Variants in PKNOX2 observed in about 807,000 individuals in gnomAD.
The protein encoded by PKNOX2 is homeobox protein PKNOX2.
Under a neutral mutation model 53.1 loss-of-function variants are expected in PKNOX2, and 14 were observed. The ratio of observed to expected loss-of-function variants is 0.26; its 90% CI spans 0.17 to 0.41. The LOEUF is 0.41. Among genes scored for constraint, PKNOX2 ranks in the 10% least tolerant of loss-of-function variants. The pLI, the probability that PKNOX2 is intolerant of heterozygous loss-of-function variation, is 1.00. For synonymous variants in PKNOX2, 257 were observed against 242.8 expected (o/e 1.06, Z -0.54); for missense variants, 496 against 602.8 (o/e 0.82, Z 1.85).
chr11:125,342,395 A>G (rs1397935962), intron 3 of PKNOX2, among the ~76,000 whole-genome samples: 1 of 151,010 alleles, frequency 6.6e-6, no homozygotes, highest in Non-Finnish European at 1.5e-5. Flanking sequence ...CCCTACTCAC[A>G]CCTTACATGG....
At chr11:125,295,400 A>G (rs1483965042) in intron 2 of PKNOX2, among the ~76,000 whole-genome samples, 1 of 152,194 alleles carries the variant, frequency 6.6e-6, no homozygotes, top group Non-Finnish European at 1.5e-5. Context: ...TGTGGATCAA[A>G]TCCATGTATG....
chr11:125,411,817 C>T lies in PKNOX2; in HGVS notation c.888C>T (p.Pro296=). ...KKSKNKRGVL[P]KHATNIMRSW... Reference sequence around the variant, plus strand: ...CCAAGAACAAACGAGGAGTCTTGCCCAAGCATGCCACCAATATAATGCGTT... The same window carrying T: ...CCAAGAACAAACGAGGAGTCTTGCCTAAGCATGCCACCAATATAATGCGTT... The change falls in exon 10 of 13, where the codon CCC becomes CCT. Residue 296 remains proline (P), a synonymous_variant. Coordinates refer to ENST00000298282, the MANE Select transcript of PKNOX2 (RefSeq NM_001382323.2). The T allele has an allele frequency of 6.2e-7, 1 of 1,614,122 alleles. No individual in the cohort carries two copies. Among genetic ancestry groups the T allele is most frequent in the Non-Finnish European group, 8.5e-7 (1 of 1,180,024 alleles).
intron 2 of PKNOX2, among the ~76,000 whole-genome samples, chr11:125,265,728 A>G (rs533182252): frequency 4.4e-4 from 67 of 152,270 alleles, no homozygotes; most frequent in African/African-American, 1.6e-3. Flanking sequence ...GTTGCGGGTC[A>G]TCTGTGGCTT....
intron 1 of PKNOX2, among the ~76,000 whole-genome samples, chr11:125,214,502 T>C (rs1015465583): frequency 1.3e-5 from 2 of 151,940 alleles, no homozygotes; most frequent in Non-Finnish European, 2.9e-5. Flanking sequence ...TAGCTGATCC[T>C]GAAAAGGGAA....
chr11:125,393,009 A>G (rs1036646862), intron 6 of PKNOX2, among the ~76,000 whole-genome samples: 2 of 151,864 alleles, frequency 1.3e-5, no homozygotes, highest in Non-Finnish European at 2.9e-5. Flanking sequence ...ATACATAAAA[A>G]AAAAAATTAG....
intron 1 of PKNOX2, among the ~76,000 whole-genome samples, 180 bp from the exon 2 acceptor site, chr11:125,234,865 T>C (rs1303639256): frequency 6.6e-6 from 1 of 151,450 alleles, no homozygotes; most frequent in African/African-American, 2.5e-5. Context: ...TAAACAATAA[T>C]GGTTTTGCTA....
intron 1 of PKNOX2, among the ~76,000 whole-genome samples, chr11:125,215,662 G>A (rs1212939627): frequency 6.6e-6 from 1 of 152,138 alleles, no homozygotes; most frequent in African/African-American, 2.4e-5. Context: ...TGAGGCAGGA[G>A]AATCACTTGA....
intron 2 of PKNOX2, among the ~76,000 whole-genome samples, chr11:125,241,795 C>T (rs1189894182): frequency 6.6e-6 from 1 of 152,136 alleles, no homozygotes; most frequent in Non-Finnish European, 1.5e-5. Flanking sequence ...GTGGAGGTTG[C>T]AGTGAGCTGA....
intron 10 of PKNOX2, among the ~76,000 whole-genome samples, chr11:125,424,677 T>TG (rs1376551456): frequency 6.6e-6 from 1 of 152,232 alleles, no homozygotes; most frequent in East Asian, 1.9e-4. Context: ...CTATTGACAC[T>TG]GACAGGCTGC....
chr11:125,179,593 G>A (rs909655323), intron 1 of PKNOX2, among the ~76,000 whole-genome samples: 6 of 152,100 alleles, frequency 3.9e-5, no homozygotes, highest in Non-Finnish European at 7.4e-5. Context: ...CGGGTCAGGC[G>A]CGAGTCACTG....
intron 2 of PKNOX2, among the ~76,000 whole-genome samples, chr11:125,284,518 G>A (rs1235308767): frequency 6.6e-6 from 1 of 152,230 alleles, no homozygotes; most frequent in Non-Finnish European, 1.5e-5. Context: ...GACAGCTGCT[G>A]TGCTCGGCTG....
chr11:125,323,520 A>T (rs1949648639), intron 2 of PKNOX2, among the ~76,000 whole-genome samples: 2 of 152,158 alleles, frequency 1.3e-5, no homozygotes, highest in Non-Finnish European at 2.9e-5. Flanking sequence ...GGTGCAGGTC[A>T]TCGGATTGGC....
intron 7 of PKNOX2, among the ~76,000 whole-genome samples, chr11:125,406,871 G>C (rs2135517672): frequency 7.8e-6 from 1 of 128,910 alleles, no homozygotes; most frequent in East Asian, 2.6e-4. Flanking sequence ...TAGATTGCTA[G>C]ATGATGGGTG....
At chr11:125,321,296 G>A (rs1001297634) in intron 2 of PKNOX2, among the ~76,000 whole-genome samples, 4 of 152,098 alleles carry the variant, frequency 2.6e-5, no homozygotes, top group Non-Finnish European at 5.9e-5. Flanking sequence ...ATCATCCCTC[G>A]GTATCTGTGG....
At chr11:125,305,701 A>C (rs1948396164) in intron 2 of PKNOX2, among the ~76,000 whole-genome samples, 1 of 152,206 alleles carries the variant, frequency 6.6e-6, no homozygotes, top group Admixed American at 6.5e-5. Context: ...AAATTGCAGT[A>C]ACAGCATCGG....
chr11:125,429,358 C>T (rs1214246537), intron 11 of PKNOX2, among the ~76,000 whole-genome samples: 1 of 152,190 alleles, frequency 6.6e-6, no homozygotes, highest in African/African-American at 2.4e-5. Flanking sequence ...AAACCCACGC[C>T]CACCTGAGCA....
chr11:125,248,893 TAA>T (rs561582127), intron 2 of PKNOX2, among the ~76,000 whole-genome samples: 146 of 134,654 alleles, frequency 1.1e-3, no homozygotes, highest in African/African-American at 3.0e-3. Flanking sequence ...ATAACATATA[TAA>T]TATATATAAC....
chr11:125,358,386 GC>G (rs1026762917), intron 4 of PKNOX2, among the ~76,000 whole-genome samples: 56 of 152,318 alleles, frequency 3.7e-4, no homozygotes, highest in African/African-American at 1.3e-3. Context: ...TGGGCAGGAG[GC>G]CATCAGTTCC....
chr11:125,340,904 G>T (rs1950646686), intron 3 of PKNOX2, among the ~76,000 whole-genome samples: 1 of 152,044 alleles, frequency 6.6e-6, no homozygotes, highest in African/African-American at 2.4e-5. Flanking sequence ...ACAAAAATTA[G>T]CCAGGCGTGG....
Sources: allele counts gnomAD v4.1 joint callset (sites outside exome capture counted in the v4.1 genomes callset), GRCh38; gene constraint gnomAD v4.1.1; transcripts MANE v1.5; gene names NCBI Gene and HGNC (gene_info 2026-07-23, HGNC 2026-07-21).